Variants in DNAH14 observed in about 807,000 individuals in gnomAD.
The protein encoded by DNAH14 is axonemal beta dynein heavy chain 14.
In DNAH14, 478 loss-of-function variants were observed where a neutral mutation model predicts 520.9. The ratio of observed to expected loss-of-function variants is 0.92; its 90% CI spans 0.85 to 0.99. The LOEUF (loss-of-function observed/expected upper bound fraction) is 0.99. Ranked by LOEUF, DNAH14 falls within the 50% of genes least tolerant of loss-of-function variation. The probability of loss-of-function intolerance (pLI) is 0.00; values close to 1 mark genes in which losing one functional copy is unlikely to be tolerated. For missense variants in DNAH14, 4,831 were observed against 5,234.5 expected (o/e 0.92, Z 2.38); for synonymous variants, 1,581 against 1,757.2 (o/e 0.90, Z 2.51).
intron 1 of DNAH14, among the ~76,000 whole-genome samples, chr1:224,933,296 A>G (rs2489358): frequency 0.096 from 14,572 of 152,138 alleles, 2,253 homozygotes; most frequent in African/African-American, 0.33. Flanking sequence ...AGCTTTACTG[A>G]ATTCATCTAT....
intron 10 of DNAH14, among the ~76,000 whole-genome samples, chr1:225,009,602 C>G (rs182849828): frequency 6.6e-6 from 1 of 152,056 alleles, no homozygotes; most frequent in Admixed American, 6.6e-5. Flanking sequence ...TTTTTTGGTT[C>G]CATATTAAAT....
chr1:224,939,494 C>G (rs2059264705), intron 1 of DNAH14, among the ~76,000 whole-genome samples: 1 of 151,986 alleles, frequency 6.6e-6, no homozygotes, highest in Non-Finnish European at 1.5e-5. Flanking sequence ...CATGGTGAAA[C>G]CCTGTTTCTA....
chr1:224,929,831 G>T lies in DNAH14; in HGVS notation c.-38G>T. 1 of 692,938 alleles carries T rather than the reference G, an allele frequency of 1.4e-6. No homozygotes were observed. The highest frequency in any genetic ancestry group is 2.0e-5 in the Admixed American group (1 of 49,682). 42.9% of individuals were successfully genotyped at this position (692,938 alleles called of 1,614,324 possible). ...CACAACGGCCGTCGGACCACGGCGC[G>T]GCGGGTAAGGTCGTCAGCGTCTTCC... On this transcript the variant is annotated 5_prime_UTR_variant, in exon 1 of 86. Coordinates refer to ENST00000682510, the MANE Select transcript of DNAH14 (RefSeq NM_001367479.1).
intron 42 of DNAH14, among the ~76,000 whole-genome samples, chr1:225,236,545 A>C (rs2091597160): frequency 6.6e-6 from 1 of 152,118 alleles, no homozygotes; most frequent in African/African-American, 2.4e-5. Context: ...GGTCCACTTA[A>C]TCCAGAGCTG....
intron 43 of DNAH14, among the ~76,000 whole-genome samples, chr1:225,244,892 T>G (rs1169296038): frequency 6.6e-6 from 1 of 152,174 alleles, no homozygotes; most frequent in East Asian, 1.9e-4. Flanking sequence ...TTCTGCTAGC[T>G]TTTGAATTTG....
Position 225,067,974 on chromosome 1 carries a change from T to C in DNAH14, c.2425-11233T>C, listed in dbSNP as rs555570173. 5.9e-5 allele frequency among the ~76,000 whole-genome samples: 9 copies of C among 152,276 alleles called. No homozygotes were observed. In the East Asian group the frequency reaches 1.5e-3, roughly 26 times the overall value. ...TAATTAGATTCCATTTGTCAATTTT[T>C]GCTTTTATTGCAATTGCTTTTGGCA... On this transcript the variant is annotated intron_variant, in intron 17 of 85. Coordinates refer to ENST00000682510, the MANE Select transcript of DNAH14 (RefSeq NM_001367479.1).
intron 21 of DNAH14, among the ~76,000 whole-genome samples, chr1:225,094,301 T>C (rs1243288025): frequency 6.6e-6 from 1 of 151,914 alleles, no homozygotes; most frequent in Non-Finnish European, 1.5e-5. Context: ...TGGAACAGAA[T>C]AGAGAGCCCA....
intron 36 of DNAH14, among the ~76,000 whole-genome samples, chr1:225,180,904 G>T (rs2083910296): frequency 6.6e-6 from 1 of 152,114 alleles, no homozygotes; most frequent in African/African-American, 2.4e-5. Flanking sequence ...TGAGGTTTGG[G>T]CTTCTATTTA....
chr1:225,033,229 T>C (rs1475463250), intron 11 of DNAH14, among the ~76,000 whole-genome samples: 1 of 152,228 alleles, frequency 6.6e-6, no homozygotes, highest in Admixed American at 6.5e-5. Flanking sequence ...TTTAAGTCTT[T>C]AATCCATCTT....
chr1:225,179,227 G>A (rs531028598), intron 36 of DNAH14, among the ~76,000 whole-genome samples: 1 of 152,202 alleles, frequency 6.6e-6, no homozygotes, highest in East Asian at 1.9e-4. Flanking sequence ...GGTTATTATT[G>A]ATGTGTAAGA....
At chr1:225,069,576 C>G (rs764587306) in intron 17 of DNAH14, among the ~76,000 whole-genome samples, 1 of 151,986 alleles carries the variant, frequency 6.6e-6, no homozygotes, top group African/African-American at 2.4e-5. Context: ...GGTGGATAAG[C>G]CTTTTCAGCC....
intron 8 of DNAH14, among the ~76,000 whole-genome samples, chr1:224,993,066 G>T (rs1172609704): frequency 6.6e-6 from 1 of 152,000 alleles, no homozygotes; most frequent in Non-Finnish European, 1.5e-5. Flanking sequence ...AGTTGACTTT[G>T]GTAAATAATC....
chr1:225,372,197 G>A (rs1053798008), intron 77 of DNAH14, among the ~76,000 whole-genome samples: 1 of 152,102 alleles, frequency 6.6e-6, no homozygotes. Context: ...ATATAATGCA[G>A]TTCCAATTAA....
Position 224,964,580 on chromosome 1 carries a change from A to G in DNAH14, c.469A>G (p.Lys157Glu). ...GCACAGTTTGAAATACGGAAGCTCCAAAATTGCAATTCAGAAGATTACTTT... is the reference window on the plus strand; with the variant it reads ...GCACAGTTTGAAATACGGAAGCTCCGAAATTGCAATTCAGAAGATTACTTT... Reference protein sequence around the residue: ...PQHSLKYGSSKIAIQKITLKK... With the variant: ...PQHSLKYGSSEIAIQKITLKK... Residue 157 changes from lysine to glutamate, a missense_variant, in exon 5 of 86, where the codon AAA becomes GAA. Coordinates refer to ENST00000682510, the MANE Select transcript of DNAH14 (RefSeq NM_001367479.1). The G allele has an allele frequency of 6.2e-7, 1 of 1,602,614 alleles. No individual in the cohort carries two copies. The highest frequency in any genetic ancestry group is 8.5e-7 in the Non-Finnish European group (1 of 1,173,626).
intron 27 of DNAH14, among the ~76,000 whole-genome samples, chr1:225,134,897 C>T (rs2078818686): frequency 1.3e-5 from 2 of 152,044 alleles, no homozygotes; most frequent in Non-Finnish European, 2.9e-5. Context: ...GCTTCAATTT[C>T]ACAACTCATT....
chr1:225,260,491 G>A (rs957655261), intron 46 of DNAH14, among the ~76,000 whole-genome samples: 3 of 152,122 alleles, frequency 2.0e-5, no homozygotes, highest in African/African-American at 7.2e-5. Context: ...TTTATTTCTG[G>A]GCCCTTTATC....
rs2094128493 is a variant in DNAH14 at position 225,300,998 on chromosome 1, A to G, written c.8599A>G (p.Asn2867Asp). The G allele has an allele frequency of 1.3e-6, 2 of 1,549,400 alleles. No individual in the cohort carries two copies. Among genetic ancestry groups the G allele is most frequent in the African/African-American group, 2.7e-5 (2 of 73,116 alleles). The stretch of plus-strand genomic sequence containing the variant: ...TACTGAACAATCTGGTCATATGGAT[A>G]ATAGGCAATCTTTACTTTCATTCTT... ...YLTEQSGHMD[N>D]RQSLLSFFQK... The change falls in exon 56 of 86, where the codon AAT (asparagine) becomes GAT (aspartate). Residue 2867 changes from asparagine to aspartate, a missense_variant. By Grantham distance (23) the Asn-to-Asp change is conservative. Coordinates refer to ENST00000682510, the MANE Select transcript of DNAH14 (RefSeq NM_001367479.1).
chr1:224,942,684 T>C (rs897941519), intron 1 of DNAH14, among the ~76,000 whole-genome samples: 1 of 152,218 alleles, frequency 6.6e-6, no homozygotes, highest in African/African-American at 2.4e-5. Flanking sequence ...GTCCCATCGA[T>C]ACCTAATTTA....
At chr1:225,002,605 C>T (rs1458860453) in intron 8 of DNAH14, among the ~76,000 whole-genome samples, 178 bp from the exon 9 acceptor site, 1 of 152,022 alleles carries the variant, frequency 6.6e-6, no homozygotes, top group Non-Finnish European at 1.5e-5. Context: ...AAAACCTTGC[C>T]TACAACATTA....
Sources: allele counts gnomAD v4.1 joint callset (sites outside exome capture counted in the v4.1 genomes callset), GRCh38; gene constraint gnomAD v4.1.1; transcripts MANE v1.5; gene names NCBI Gene and HGNC (gene_info 2026-07-23, HGNC 2026-07-21).